The following TFDP2 variants were observed in gnomAD, a reference collection of about 807,000 sequenced individuals.
TFDP2 encodes the protein transcription factor Dp-2 (E2F dimerization partner 2).
In TFDP2, 17 loss-of-function variants were observed where a neutral mutation model predicts 59.3. The observed-to-expected ratio is 0.29, with a 90% CI of 0.20 to 0.43. The LOEUF (loss-of-function observed/expected upper bound fraction) is 0.43. Ranked by LOEUF, TFDP2 falls within the 20% of genes least tolerant of loss-of-function variation. The pLI is 1.00. For synonymous variants in TFDP2, 180 were observed against 194.7 expected (o/e 0.92, Z 0.63); for missense variants, 391 against 528.8 (o/e 0.74, Z 2.56).
intron 11 of TFDP2, among the ~76,000 whole-genome samples, chr3:141,956,088 G>A (rs1031237998): frequency 1.3e-5 from 2 of 152,136 alleles, no homozygotes; most frequent in South Asian, 2.1e-4. Context: ...GATCACAGGC[G>A]TAAGCCACCG....
At chr3:142,063,974 G>A (rs1490583451) in intron 3 of TFDP2, among the ~76,000 whole-genome samples, 1 of 151,930 alleles carries the variant, frequency 6.6e-6, no homozygotes, top group African/African-American at 2.4e-5. Flanking sequence ...CTTGTTTTGA[G>A]ACAGAGTCTT....
chr3:142,011,501 T>C (rs1944682136), intron 3 of TFDP2, among the ~76,000 whole-genome samples: 1 of 129,926 alleles, frequency 7.7e-6, no homozygotes, highest in Non-Finnish European at 1.6e-5. Context: ...GATGACGAGT[T>C]AGTGGGTGCA....
chr3:141,979,531 G>A (rs1043150197), intron 6 of TFDP2, among the ~76,000 whole-genome samples: 2 of 152,134 alleles, frequency 1.3e-5, no homozygotes, highest in Admixed American at 1.3e-4. Flanking sequence ...ACAAAATGTG[G>A]AGGTGGAGGA....
intron 1 of TFDP2, among the ~76,000 whole-genome samples, chr3:142,122,927 AAACT>A (rs2062099291): frequency 6.6e-6 from 1 of 152,208 alleles, no homozygotes; most frequent in Non-Finnish European, 1.5e-5. Context: ...CAGAATTTAA[AAACT>A]AACACATTCA....
rs541192738 is a variant in TFDP2, at chr3:142,089,833, T to C, written c.82+3228A>G. Among the ~76,000 whole-genome samples the C allele has an allele frequency of 3.9e-5, 6 of 152,180 alleles. No homozygotes were observed. The South Asian group carries it at 1.2e-3, about 32-fold the overall frequency. ...GTCAAAAAAGGAAAATAGACAACTA[T>C]AATACTTACCAGTTTTATAACTTTA... On this transcript the variant is annotated intron_variant, in intron 3 of 12. Transcript: ENST00000489671.
At chr3:142,031,838 T>C (rs1052657117) in intron 3 of TFDP2, among the ~76,000 whole-genome samples, 66 of 152,320 alleles carry the variant, frequency 4.3e-4, no homozygotes, top group African/African-American at 1.5e-3. Context: ...AGTGTAATGA[T>C]GGCAGGCATT....
intron 3 of TFDP2, among the ~76,000 whole-genome samples, chr3:142,031,512 C>T (rs916154660): frequency 2.0e-5 from 3 of 152,180 alleles, no homozygotes; most frequent in African/African-American, 7.2e-5. Flanking sequence ...ATAATCACTA[C>T]CTTTTATGTT....
intron 7 of TFDP2, among the ~76,000 whole-genome samples, chr3:141,975,038 C>T (rs1940411744): frequency 6.6e-6 from 1 of 151,544 alleles, no homozygotes; most frequent in African/African-American, 2.4e-5. Context: ...CTCAGCCTCC[C>T]AAGTAGCTGG....
intron 2 of TFDP2, among the ~76,000 whole-genome samples, chr3:142,095,154 C>T (rs1328652179): frequency 6.6e-6 from 1 of 152,086 alleles, no homozygotes; most frequent in East Asian, 1.9e-4. Flanking sequence ...CCACGCCCAG[C>T]TAATTATGTA....
At chr3:142,071,173 T>G (rs2060235723) in intron 3 of TFDP2, among the ~76,000 whole-genome samples, 1 of 152,098 alleles carries the variant, frequency 6.6e-6, no homozygotes, top group East Asian at 1.9e-4. Context: ...TTTTTTTTTT[T>G]TGAGATGGAG....
intron 6 of TFDP2, among the ~76,000 whole-genome samples, chr3:141,986,783 A>G (rs1942148305): frequency 6.6e-6 from 1 of 152,146 alleles, no homozygotes; most frequent in African/African-American, 2.4e-5. Context: ...AGCATTCTAG[A>G]TGCTTCATAT....
chr3:142,075,199 ATTAACT>A, intron 3 of TFDP2, among the ~76,000 whole-genome samples: 1 of 152,234 alleles, frequency 6.6e-6, no homozygotes, highest in East Asian at 1.9e-4. Flanking sequence ...GAGAAAATGA[ATTAACT>A]GTAATCCATC....
chr3:142,092,715 A>G (rs2061035116), intron 3 of TFDP2, among the ~76,000 whole-genome samples: 1 of 152,194 alleles, frequency 6.6e-6, no homozygotes, highest in Admixed American at 6.5e-5. Flanking sequence ...TACAAAACAC[A>G]TATATACGTA....
chr3:142,018,955 G>A (rs1221957129), intron 3 of TFDP2, among the ~76,000 whole-genome samples: 2 of 123,728 alleles, frequency 1.6e-5, no homozygotes, highest in Non-Finnish European at 3.3e-5. Context: ...TTGGTAGAAC[G>A]TCTTTAAATA....
chr3:142,090,526 TTC>T (rs1304268630), intron 3 of TFDP2, among the ~76,000 whole-genome samples: 1 of 151,988 alleles, frequency 6.6e-6, no homozygotes, highest in Non-Finnish European at 1.5e-5. Context: ...TTTCTTTGTC[TTC>T]TGTCTTTTGG....
chr3:142,093,013 G>T, intron 3 of TFDP2, 48 bp downstream of exon 3: 1 of 1,255,954 alleles, frequency 8.0e-7, no homozygotes, highest in African/African-American at 1.5e-5. Context: ...CAAAACAAAT[G>T]CAATAAAACT....
At chr3:142,088,423 C>T (rs987138844) in intron 3 of TFDP2, among the ~76,000 whole-genome samples, 2 of 151,510 alleles carry the variant, frequency 1.3e-5, no homozygotes, top group Admixed American at 6.6e-5. Context: ...CTCCACCTCC[C>T]GGGTTCAGGT....
intron 6 of TFDP2, among the ~76,000 whole-genome samples, chr3:141,979,358 T>G (rs1194932248): frequency 6.6e-6 from 1 of 152,248 alleles, no homozygotes; most frequent in Non-Finnish European, 1.5e-5. Context: ...TACTAAACTA[T>G]ACTTTTCATC....
intron 3 of TFDP2, among the ~76,000 whole-genome samples, chr3:142,066,985 G>C (rs1374054172): frequency 6.6e-6 from 1 of 151,742 alleles, no homozygotes; most frequent in Non-Finnish European, 1.5e-5. Flanking sequence ...AGAAAACCAA[G>C]AACAGAAGGA....
Sources: gnomAD v4.1 joint callset for allele counts (sites outside exome capture counted in the v4.1 genomes callset) on GRCh38, gnomAD v4.1.1 for gene constraint, MANE v1.5 for transcripts, NCBI Gene and HGNC (gene_info 2026-07-23, HGNC 2026-07-21) for gene names.